The following EYS variants were observed in gnomAD, a reference collection of about 807,000 sequenced individuals.
The protein encoded by EYS is EGF-like photoreceptor maintenance factor, also known as protein eyes shut homolog.
In EYS, 250 loss-of-function variants were observed where a neutral mutation model predicts 282.1. The observed-to-expected ratio is 0.89, with a 90% CI of 0.80 to 0.98. The LOEUF (loss-of-function observed/expected upper bound fraction) is 0.98. Ranked by LOEUF, EYS falls within the 50% of genes least tolerant of loss-of-function variation. EYS has a pLI of 0.00. For missense variants in EYS, 4,016 were observed against 3,709.0 expected (o/e 1.08, Z -2.15); for synonymous variants, 1,355 against 1,282.9 (o/e 1.06, Z -1.20).
At chr6:64,002,130 G>C (rs1297142968) in intron 33 of EYS, among the ~76,000 whole-genome samples, 1 of 152,202 alleles carries the variant, frequency 6.6e-6, no homozygotes, top group South Asian at 2.1e-4. Flanking sequence ...ATGTAGCAGA[G>C]AAAGAGAGAA....
intron 16 of EYS, 107 bp downstream of exon 16, chr6:64,912,377 A>G (rs1768026506): frequency 3.2e-6 from 3 of 928,466 alleles, no homozygotes; most frequent in Admixed American, 2.1e-5. Flanking sequence ...CAATGTACAT[A>G]GGATTTTTCC....
chr6:64,185,784 A>G (rs1764919306), intron 31 of EYS, among the ~76,000 whole-genome samples: 1 of 152,182 alleles, frequency 6.6e-6, no homozygotes, highest in Admixed American at 6.6e-5. Context: ...AATTGTCATC[A>G]TCTTTGTCCA....
chr6:64,746,969 A>C (rs2149965955), intron 22 of EYS, among the ~76,000 whole-genome samples: 1 of 152,338 alleles, frequency 6.6e-6, no homozygotes, highest in South Asian at 2.1e-4. Context: ...CTGGCTGCTA[A>C]GAGCTTTCCT....
chr6:65,582,063 G>A (rs1764892103), intron 2 of EYS, among the ~76,000 whole-genome samples: 1 of 151,538 alleles, frequency 6.6e-6, no homozygotes, highest in South Asian at 2.1e-4. Flanking sequence ...AAGTATGGTG[G>A]TGCACACCTG....
intron 5 of EYS, among the ~76,000 whole-genome samples, chr6:65,445,054 A>C (rs1015622635): frequency 6.6e-6 from 1 of 151,870 alleles, no homozygotes; most frequent in Non-Finnish European, 1.5e-5. Context: ...GCATTAACAA[A>C]TGAAAGTGAA....
chr6:65,593,502 C>T (rs1765301619), intron 2 of EYS, among the ~76,000 whole-genome samples: 1 of 151,984 alleles, frequency 6.6e-6, no homozygotes, highest in South Asian at 2.1e-4. Flanking sequence ...TGAAAGCTGA[C>T]AGCCCACCTC....
chr6:64,008,434 C>T (rs1447667161), intron 33 of EYS, among the ~76,000 whole-genome samples: 1 of 152,030 alleles, frequency 6.6e-6, no homozygotes, highest in Non-Finnish European at 1.5e-5. Context: ...CTACTGTATG[C>T]CCTTTAATTG....
At chr6:64,689,657 C>T (rs1562136152) in intron 22 of EYS, among the ~76,000 whole-genome samples, 1 of 152,036 alleles carries the variant, frequency 6.6e-6, no homozygotes, top group Non-Finnish European at 1.5e-5. Context: ...GAAGAGAGCC[C>T]TCAGAAATAA....
chr6:65,022,429 G>A (rs1488975730), intron 13 of EYS, among the ~76,000 whole-genome samples: 2 of 152,168 alleles, frequency 1.3e-5, no homozygotes, highest in Non-Finnish European at 1.5e-5. Context: ...AGGAAGAGGA[G>A]TACTGATGAT....
At chr6:65,067,740 G>A (rs969014733) in intron 12 of EYS, among the ~76,000 whole-genome samples, 6 of 151,992 alleles carry the variant, frequency 3.9e-5, no homozygotes, top group Admixed American at 3.3e-4. Flanking sequence ...ACAGGATAAC[G>A]CAAAAGTACC....
chr6:65,594,066 G>C (rs907808304), intron 2 of EYS, among the ~76,000 whole-genome samples: 3 of 151,882 alleles, frequency 2.0e-5, no homozygotes, highest in Non-Finnish European at 4.4e-5. Context: ...ATAATGAGTT[G>C]ATAGTTATAT....
At chr6:65,540,770 A>G (rs984060966) in intron 2 of EYS, among the ~76,000 whole-genome samples, 2 of 152,014 alleles carry the variant, frequency 1.3e-5, no homozygotes, top group African/African-American at 2.4e-5. Context: ...AATACAAAAA[A>G]AAATTAGTCG....
intron 12 of EYS, among the ~76,000 whole-genome samples, chr6:65,279,192 A>C (rs191353724): frequency 2.8e-5 from 4 of 143,726 alleles, no homozygotes; most frequent in Non-Finnish European, 6.3e-5. Context: ...CTGGCTCTAT[A>C]AAAAAAAATA....
chr6:65,671,329 G>A (rs1311143329), intron 1 of EYS, among the ~76,000 whole-genome samples: 3 of 151,728 alleles, frequency 2.0e-5, no homozygotes, highest in Admixed American at 6.6e-5. Flanking sequence ...ACATTACATT[G>A]GTAAATTACA....
At chr6:64,706,665 C>A (rs62418863) in intron 22 of EYS, among the ~76,000 whole-genome samples, 8,550 of 152,100 alleles carry the variant, frequency 0.056, 306 homozygotes, top group East Asian at 0.14. Context: ...CACGAATAGA[C>A]AATTCTCTAA....
chr6:63,958,725 G>A lies in EYS; in HGVS notation c.7055+25658C>T, dbSNP rs537583662. On this transcript the variant is annotated intron_variant, in intron 35 of 42. Coordinates refer to ENST00000503581, the MANE Select transcript of EYS (RefSeq NM_001142800.2). ...CCTGTTAGAAAGTGATGCAGCTAAT[G>A]ACTTTAAGTTGAAGTCAGTGCTCAC... Among the ~76,000 whole-genome samples, 27 of 152,308 alleles carry A rather than the reference G, an allele frequency of 1.8e-4. No individual in the cohort carries two copies. In the South Asian group the frequency reaches 5.2e-3, roughly 29 times the overall value.
intron 19 of EYS, among the ~76,000 whole-genome samples, chr6:64,862,411 C>T (rs1015761853): frequency 6.8e-6 from 1 of 147,460 alleles, no homozygotes; most frequent in African/African-American, 2.5e-5. Context: ...GAGTGATGAC[C>T]TCAGCTTTTT....
At chr6:64,914,785 C>A (rs1035397315) in intron 15 of EYS, among the ~76,000 whole-genome samples, 2 of 151,954 alleles carry the variant, frequency 1.3e-5, no homozygotes, top group Non-Finnish European at 2.9e-5. Flanking sequence ...CATTGTAAGC[C>A]AGTGGATTTC....
At chr6:64,805,464 T>G (rs1764395694) in intron 22 of EYS, among the ~76,000 whole-genome samples, 1 of 151,960 alleles carries the variant, frequency 6.6e-6, no homozygotes, top group African/African-American at 2.4e-5. Context: ...TAGATTTACC[T>G]TTCAAAAATA....
Sources: allele counts gnomAD v4.1 joint callset (sites outside exome capture counted in the v4.1 genomes callset), GRCh38; gene constraint gnomAD v4.1.1; transcripts MANE v1.5; gene names NCBI Gene and HGNC (gene_info 2026-07-23, HGNC 2026-07-21).